Variants in POLRMT observed in about 807,000 individuals in gnomAD.
The protein encoded by POLRMT is DNA-directed RNA polymerase, mitochondrial.
POLRMT carries 114 observed loss-of-function variants against 132.2 expected under a neutral mutation model. The observed-to-expected ratio is 0.86, with a 90% CI of 0.74 to 1.01. The LOEUF (loss-of-function observed/expected upper bound fraction) is 1.01. Ranked by LOEUF, POLRMT falls within the 50% of genes least tolerant of loss-of-function variation. The pLI, the probability that POLRMT is intolerant of heterozygous loss-of-function variation, is 0.00. For synonymous variants in POLRMT, 1,020 were observed against 773.4 expected (o/e 1.32, Z -5.29); for missense variants, 2,003 against 1,729.1 (o/e 1.16, Z -2.81).
At chr19:624,223 G>A (rs1317475166) in intron 5 of POLRMT, among the ~76,000 whole-genome samples, 1 of 152,156 alleles carries the variant, frequency 6.6e-6, no homozygotes, top group African/African-American at 2.4e-5. Flanking sequence ...AAAAGGTCTC[G>A]CAGTGTGTGG....
intron 2 of POLRMT, among the ~76,000 whole-genome samples, chr19:632,617 AG>A (rs1985505478): frequency 6.7e-6 from 1 of 150,318 alleles, no homozygotes; most frequent in African/African-American, 2.5e-5. Flanking sequence ...GGTTCTGGGG[AG>A]GGGGAATTAC....
At chr19:625,928 C>A (rs1196240176) in intron 3 of POLRMT, among the ~76,000 whole-genome samples, 2 of 152,024 alleles carry the variant, frequency 1.3e-5, no homozygotes, top group African/African-American at 4.8e-5. Flanking sequence ...GTCTCGAACT[C>A]CTGACATCGT....
chr19:628,361 G>A (rs1350192517), intron 3 of POLRMT, among the ~76,000 whole-genome samples: 2 of 152,176 alleles, frequency 1.3e-5, no homozygotes, highest in Non-Finnish European at 2.9e-5. Context: ...CAGTCCTCCC[G>A]GAGTCTGGCG....
In POLRMT at chr19:621,817, G is replaced by A. The variant is rs147697350; in HGVS notation, c.1881C>T (p.Tyr627=). 3.5e-5 allele frequency: 56 copies of A among 1,602,518 alleles called. No homozygotes were observed. In the African/African-American group the frequency reaches 6.7e-4, roughly 19 times the overall value. ...CCGCGGCCTTCTCCAGCAGCTGCAC[G>A]TAGGCCGGGTGCGGCTTCAGGATGC... The part of the protein sequence containing the change: ...QIGILKPHPA[Y]VQLLEKAAEP... The change falls in exon 10 of 21, where the codon TAC becomes TAT. Residue 627 remains tyrosine (Y), a synonymous_variant. Transcript: ENST00000588649.
rs543864484 is a variant in POLRMT at position 625,307 on chromosome 19, C to T, written c.823-53G>A. 1.6e-5 allele frequency: 26 copies of T among 1,604,378 alleles called. No homozygotes were observed. In the African/African-American group the frequency reaches 2.7e-4, roughly 16 times the overall value. The stretch of plus-strand genomic sequence containing the variant: ...TGGGGGGATGGCCCAACCTCCACAT[C>T]CTCCCTGCTCCCTGGAGACCCCTTC... On this transcript the variant is annotated intron_variant, in intron 3 of 20. Coordinates refer to ENST00000588649, the MANE Select transcript of POLRMT (RefSeq NM_005035.4).
At chr19:625,034 G>GT (rs1297547585) in intron 4 of POLRMT, 90 bp downstream of exon 4, 1 of 1,524,548 alleles carries the variant, frequency 6.6e-7, no homozygotes, top group African/African-American at 1.4e-5. Context: ...CCCTCTGGGG[G>GT]TCCCCAGCCC....
intron 3 of POLRMT, among the ~76,000 whole-genome samples, chr19:628,008 TA>T (rs1476330942): frequency 6.6e-6 from 1 of 150,634 alleles, no homozygotes; most frequent in Non-Finnish European, 1.5e-5. Flanking sequence ...AAATAAAAAT[TA>T]AAACAATTAT....
intron 9 of POLRMT, 71 bp from the exon 10 acceptor site, chr19:621,917 G>A (rs1409000480): frequency 5.9e-5 from 90 of 1,525,934 alleles, no homozygotes; most frequent in Non-Finnish European, 7.8e-5. Flanking sequence ...CTTAAACTTG[G>A]GTGAGAGGGG....
rs373729974 is a variant in POLRMT, at chr19:629,912, G to T, written c.450C>A (p.Ser150Arg). The change falls in exon 3 of 21, where the codon AGC becomes AGA. Residue 150 changes from serine (S) to arginine (R), a missense_variant. By Grantham distance (110) the Ser-to-Arg change is moderately radical. Coordinates refer to ENST00000588649, the MANE Select transcript of POLRMT (RefSeq NM_005035.4). ...GCCTGGTCAGCGCCTTGAACTCCCC[G>T]CTCTGGAATGGCATCTGCAGCTTCG... ...LKAKLQMPFQ[S>R]GEFKALTRRL... 35 of 1,613,518 alleles carry T rather than the reference G, an allele frequency of 2.2e-5. No homozygotes were observed. The African/African-American group carries it at 4.7e-4, about 21-fold the overall frequency.
Position 632,957 on chromosome 19 carries a change from C to T in POLRMT, c.89-19G>A, listed in dbSNP as rs917809564. The T allele has an allele frequency of 1.6e-5, 23 of 1,479,120 alleles. No individual in the cohort carries two copies. The African/African-American group carries it at 2.6e-4, about 17-fold the overall frequency. The allele number at this position is 1,479,120 out of a possible 1,614,324, so 91.6% of individuals were successfully genotyped here. ...GCGGTCCCTGCGGGAAAGACGAGAG[C>T]GGCTGAGCGGGGCCGGGCGTGTGGG... On this transcript the variant is annotated intron_variant, in intron 1 of 20. Coordinates refer to ENST00000588649, the MANE Select transcript of POLRMT (RefSeq NM_005035.4).
chr19:627,577 T>C (rs971167421), intron 3 of POLRMT, among the ~76,000 whole-genome samples: 2 of 152,088 alleles, frequency 1.3e-5, no homozygotes, highest in African/African-American at 4.8e-5. Flanking sequence ...CACACAGCTG[T>C]TGGCAGATGC....
intron 3 of POLRMT, among the ~76,000 whole-genome samples, chr19:626,137 T>A (rs1985000896): frequency 6.6e-6 from 1 of 152,058 alleles, no homozygotes; most frequent in South Asian, 2.1e-4. Flanking sequence ...ATAGTTTACT[T>A]CTTCTTTGGA....
At position 622,734 on chromosome 19, in the gene POLRMT, C is replaced by T. The variant is rs756199533; in HGVS notation, c.1474G>A (p.Ala492Thr). 1.3e-5 allele frequency: 20 copies of T among 1,593,302 alleles called. No individual in the cohort carries two copies. Among genetic ancestry groups the T allele is most frequent in the Non-Finnish European group, 1.5e-5 (18 of 1,171,640 alleles). The change falls in exon 8 of 21, where the codon GCC (alanine) becomes ACC (threonine). Residue 492 changes from alanine to threonine, a missense_variant. Ala to Thr is a moderately conservative substitution (Grantham distance 58). Transcript: ENST00000588649. ...AGGGTGGTGAAGGACTCACCTTGGG[C>T]GGGCAGCGCCTGCAGGACCTGCGGA... Reference protein sequence around the residue: ...MLLQVLQALPAQGESFTTLAR... With the variant: ...MLLQVLQALPTQGESFTTLAR...
intron 19 of POLRMT, 27 bp from the exon 20 acceptor site, chr19:617,507 G>A (rs1984074812): frequency 2.5e-6 from 4 of 1,608,476 alleles, no homozygotes; most frequent in South Asian, 1.1e-5. Flanking sequence ...GGTGGGGTGA[G>A]GCTGAGGCCA....
rs535362169 is a variant in POLRMT at position 619,882 on chromosome 19, G to A, written c.2886+76C>T. ...ACATCCTCAGGACAGGCCAAGGTGAGGGCACCTGGGGCCGAGACTCAGGGC... is the reference window on the plus strand; with the variant it reads ...ACATCCTCAGGACAGGCCAAGGTGAAGGCACCTGGGGCCGAGACTCAGGGC... On this transcript the variant is annotated intron_variant, in intron 12 of 20. Coordinates refer to ENST00000588649, the MANE Select transcript of POLRMT (RefSeq NM_005035.4). 3.4e-5 allele frequency: 54 copies of A among 1,587,790 alleles called. No individual in the cohort carries two copies. The Admixed American group carries it at 7.1e-4, about 21-fold the overall frequency.
Position 620,565 on chromosome 19 carries a change from G to A in POLRMT, c.2641-78C>T, listed in dbSNP as rs569855318. 10 of 1,439,804 alleles carry A rather than the reference G, an allele frequency of 6.9e-6. No individual in the cohort carries two copies. In the African/African-American group the frequency reaches 1.3e-4, roughly 18 times the overall value. 89.2% of individuals were successfully genotyped at this position (1,439,804 alleles called of 1,614,324 possible). ...CGCTGGGAGGCTGTGTTGCGGGGAG[G>A]TGGGAAATGGGGAGGAGACGCACAC... On this transcript the variant is annotated intron_variant, in intron 10 of 20. Coordinates refer to ENST00000588649, the MANE Select transcript of POLRMT (RefSeq NM_005035.4).
In POLRMT at chr19:629,521, G is replaced by T. The variant is rs779510828; in HGVS notation, c.822+19C>A. 100 of 1,489,128 alleles carry T rather than the reference G, an allele frequency of 6.7e-5. 1 individual carries two copies. In the South Asian group the frequency reaches 1.4e-3, roughly 20 times the overall value. 92.2% of individuals were successfully genotyped at this position (1,489,128 alleles called of 1,614,324 possible). A position where few individuals can be genotyped will look rare whatever the true frequency, so the allele number is the denominator to read the frequency against. Reference sequence around the variant, plus strand: ...CTCCAACGACCAGGGCAGGTGGCCCGGCTCCCGGCTGCACTCACCTGCCGC... The same window carrying T: ...CTCCAACGACCAGGGCAGGTGGCCCTGCTCCCGGCTGCACTCACCTGCCGC... On this transcript the variant is annotated intron_variant, in intron 3 of 20. Coordinates refer to ENST00000588649, the MANE Select transcript of POLRMT (RefSeq NM_005035.4).
chr19:625,500 T>C, intron 3 of POLRMT: 1 of 471,472 alleles, frequency 2.1e-6, no homozygotes, highest in Non-Finnish European at 3.8e-6. Flanking sequence ...GGGAGGCAGC[T>C]TGTTAAACCT....
At chr19:617,978 C>T in intron 17 of POLRMT, 129 bp from the exon 18 acceptor site, 1 of 757,376 alleles carries the variant, frequency 1.3e-6, no homozygotes, top group Non-Finnish European at 2.2e-6. Context: ...CAGGCCTCGC[C>T]CCACCCCTCG....
Sources: allele counts gnomAD v4.1 joint callset (sites outside exome capture counted in the v4.1 genomes callset), GRCh38; gene constraint gnomAD v4.1.1; transcripts MANE v1.5; gene names NCBI Gene and HGNC (gene_info 2026-07-23, HGNC 2026-07-21).